The following ATP9A variants were observed in gnomAD, a reference collection of about 807,000 sequenced individuals.
ATP9A encodes ATPase phospholipid transporting 9A.
Under a neutral mutation model 144.1 loss-of-function variants are expected in ATP9A, and 52 were observed. The ratio of observed to expected loss-of-function variants is 0.36; its 90% CI spans 0.29 to 0.45. ATP9A has a LOEUF of 0.45. Among genes scored for constraint, ATP9A ranks in the 20% least tolerant of loss-of-function variants. The probability of loss-of-function intolerance (pLI) is 1.00; values close to 1 mark genes in which losing one functional copy is unlikely to be tolerated. For missense variants in ATP9A, 947 were observed against 1,392.7 expected (o/e 0.68, Z 5.09); for synonymous variants, 582 against 557.4 (o/e 1.04, Z -0.62).
chr20:51,737,567 A>G (rs1381797061), intron 1 of ATP9A, among the ~76,000 whole-genome samples: 24 of 152,222 alleles, frequency 1.6e-4, no homozygotes, highest in Admixed American at 1.6e-3. Flanking sequence ...TCACAGAAAA[A>G]GAATACAAAA....
At position 51,639,361 on chromosome 20, in the gene ATP9A, A is replaced by G; in HGVS notation, c.1650T>C (p.Arg550=). ...QIFPFTYESK[R]MGIIVRDEST... Reference sequence around the variant, plus strand: ...GACTCACCCGCACGATGATGCCCATACGTTTGCTTTCATAGGTGAAAGGGA... The same window carrying G: ...GACTCACCCGCACGATGATGCCCATGCGTTTGCTTTCATAGGTGAAAGGGA... Residue 550 remains arginine (R), a synonymous_variant, in exon 15 of 28, where the codon CGT becomes CGC. Coordinates refer to ENST00000338821, the MANE Select transcript of ATP9A (RefSeq NM_006045.3). 1 of 1,613,666 alleles carries G rather than the reference A, an allele frequency of 6.2e-7. No homozygotes were observed. The highest frequency in any genetic ancestry group is 8.5e-7 in the Non-Finnish European group (1 of 1,179,824).
At chr20:51,624,039 G>C (rs1204522263) in intron 18 of ATP9A, among the ~76,000 whole-genome samples, 1 of 152,198 alleles carries the variant, frequency 6.6e-6, no homozygotes, top group East Asian at 1.9e-4. Context: ...GGAAACTCCA[G>C]AAGTCTTAGG....
intron 26 of ATP9A, among the ~76,000 whole-genome samples, chr20:51,606,114 C>T (rs894776884): frequency 3.3e-5 from 5 of 151,596 alleles, no homozygotes; most frequent in African/African-American, 9.7e-5. Flanking sequence ...ACTAAAAATA[C>T]TAAAATTAGG....
At chr20:51,720,648 C>T (rs561221963) in intron 3 of ATP9A, among the ~76,000 whole-genome samples, 7 of 152,050 alleles carry the variant, frequency 4.6e-5, no homozygotes, top group African/African-American at 1.7e-4. Context: ...AGCGTGGCCA[C>T]CATGGTGAAA....
intron 13 of ATP9A, among the ~76,000 whole-genome samples, chr20:51,665,234 G>C (rs1168081512): frequency 6.7e-6 from 1 of 148,786 alleles, no homozygotes; most frequent in Admixed American, 6.7e-5. Flanking sequence ...ACTGACAGCT[G>C]GGGGGATAGA....
At chr20:51,731,320 T>A (rs915929378) in intron 1 of ATP9A, among the ~76,000 whole-genome samples, 17 of 151,852 alleles carry the variant, frequency 1.1e-4, no homozygotes, top group African/African-American at 4.1e-4. Flanking sequence ...TAAATAAAAA[T>A]AATAATAATT....
chr20:51,634,962 G>T (rs1182905128), intron 15 of ATP9A, among the ~76,000 whole-genome samples: 1 of 151,758 alleles, frequency 6.6e-6, no homozygotes, highest in Non-Finnish European at 1.5e-5. Flanking sequence ...CTCCTCCTGG[G>T]CAGGAAGTCT....
intron 9 of ATP9A, among the ~76,000 whole-genome samples, chr20:51,680,326 A>AG (rs1015646697): frequency 3.3e-5 from 5 of 151,900 alleles, no homozygotes; most frequent in African/African-American, 9.7e-5. Flanking sequence ...TCTACACATT[A>AG]GGGGAAAACC....
chr20:51,747,362 G>C (rs537529841), intron 1 of ATP9A, among the ~76,000 whole-genome samples: 10 of 152,198 alleles, frequency 6.6e-5, no homozygotes, highest in East Asian at 5.8e-4. Flanking sequence ...TCCTATGGGA[G>C]ATGCACGAGG....
intron 9 of ATP9A, among the ~76,000 whole-genome samples, chr20:51,688,546 T>G (rs2077533524): frequency 6.6e-6 from 1 of 151,752 alleles, no homozygotes; most frequent in African/African-American, 2.4e-5. Flanking sequence ...GAGCCAAGAT[T>G]GTGCCACTGT....
chr20:51,671,152 C>T lies in ATP9A; in HGVS notation c.1143G>A (p.Gln381=), dbSNP rs2077453913. The T allele has an allele frequency of 1.9e-6, 3 of 1,614,124 alleles. No homozygotes were observed. The highest frequency in any genetic ancestry group is 2.5e-6 in the Non-Finnish European group (3 of 1,180,000). ...TGAGTAAGTACGAAATCCTGCCCAG[C>T]TGCTCAGGAATCGTGCTGGAGCGAA... is the stretch of plus-strand genomic sequence containing the variant. The part of the protein sequence containing the change: ...TVVRSSTIPE[Q]LGRISYLLTD... Residue 381 remains glutamine (Q), a synonymous_variant, in exon 12 of 28, where the codon CAG becomes CAA. Coordinates refer to ENST00000338821, the MANE Select transcript of ATP9A (RefSeq NM_006045.3).
At chr20:51,621,280 C>T (rs2077226012) in intron 19 of ATP9A, among the ~76,000 whole-genome samples, 1 of 151,988 alleles carries the variant, frequency 6.6e-6, no homozygotes, top group Admixed American at 6.6e-5. Context: ...ATGATGAGAA[C>T]TGACTGTACC....
At chr20:51,745,601 C>G (rs943336302) in intron 1 of ATP9A, among the ~76,000 whole-genome samples, 3 of 152,082 alleles carry the variant, frequency 2.0e-5, no homozygotes, top group Non-Finnish European at 4.4e-5. Context: ...TGGGTAGAAG[C>G]CAGGGATACT....
At position 51,597,084 on chromosome 20, in the gene ATP9A, TG is replaced by T. The variant is rs1260868436; in HGVS notation, c.*4126del. The T allele has an allele frequency of 6.6e-6, 1 of 152,170 alleles. No individual in the cohort carries two copies. Among genetic ancestry groups the T allele is most frequent in the East Asian group, 1.9e-4 (1 of 5,174 alleles). 9.4% of individuals were successfully genotyped at this position (152,170 alleles called of 1,614,324 possible). ...ACAAAATAATAAATTAGCCATAATT[TG>T]TTTTTTTTGCAAATACCATGCCCCC... On this transcript the variant is annotated 3_prime_UTR_variant, in exon 28 of 28. Coordinates refer to ENST00000338821, the MANE Select transcript of ATP9A (RefSeq NM_006045.3).
chr20:51,609,359 A>C (rs1386935620), intron 24 of ATP9A, among the ~76,000 whole-genome samples: 1 of 152,154 alleles, frequency 6.6e-6, no homozygotes, highest in Non-Finnish European at 1.5e-5. Flanking sequence ...CCAACACAGT[A>C]GGATGGAAAG....
intron 1 of ATP9A, among the ~76,000 whole-genome samples, chr20:51,765,654 A>AAAAAAAAAC (rs1188144322): frequency 1.3e-5 from 2 of 149,212 alleles, no homozygotes; most frequent in African/African-American, 2.5e-5. Context: ...AAAAAAAAAA[A>AAAAAAAAAC]CAGAATTAGA....
Position 51,639,384 on chromosome 20 carries a change from GGAA to G in ATP9A, c.1624_1626del (p.Phe542del). ...ATACGTTTGCTTTCATAGGTGAAAGGGAAGATCTGTAGGATGGTGAAGTTCAGG... is the reference window on the plus strand; with the variant it reads ...ATACGTTTGCTTTCATAGGTGAAAGGGATCTGTAGGATGGTGAAGTTCAGG... On this transcript the variant is annotated inframe_deletion, in exon 15 of 28. Coordinates refer to ENST00000338821, the MANE Select transcript of ATP9A (RefSeq NM_006045.3). The G allele has an allele frequency of 6.2e-7, 1 of 1,613,980 alleles. No individual in the cohort carries two copies. The highest frequency in any genetic ancestry group is 8.5e-7 in the Non-Finnish European group (1 of 1,179,938).
At position 51,639,437 on chromosome 20, in the gene ATP9A, T is replaced by C. The variant is rs745777759; in HGVS notation, c.1574A>G (p.Gln525Arg). ...TLVGRDQSSM[Q>R]LRTPGDQILN... The stretch of plus-strand genomic sequence containing the variant: ...GATCTGGTCGCCAGGGGTCCTCAGC[T>C]GCATGGAAGACTGGTCTCGGCCCAC... The change falls in exon 15 of 28, where the codon CAG becomes CGG. Residue 525 changes from glutamine to arginine, a missense_variant. Physicochemically the swap from Gln to Arg is conservative, Grantham distance 43. Around this residue, in one of 2 missense-constraint regions of ATP9A, gnomAD observed 770 missense variants for 1,047.9 expected, o/e 0.73. Coordinates refer to ENST00000338821, the MANE Select transcript of ATP9A (RefSeq NM_006045.3). The C allele has an allele frequency of 6.2e-7, 1 of 1,614,062 alleles. No individual in the cohort carries two copies. Among genetic ancestry groups the C allele is most frequent in the South Asian group, 1.1e-5 (1 of 91,078 alleles).
chr20:51,682,223 A>AT (rs1205581973), intron 9 of ATP9A, among the ~76,000 whole-genome samples: 1 of 152,190 alleles, frequency 6.6e-6, no homozygotes, highest in Non-Finnish European at 1.5e-5. Context: ...AAATCTGCAC[A>AT]TGTACCCCCA....
Sources: gnomAD v4.1 joint callset for allele counts (sites outside exome capture counted in the v4.1 genomes callset) on GRCh38, gnomAD v4.1.1 for gene constraint, gnomAD v4.1.1 regional missense constraint, MANE v1.5 for transcripts, NCBI Gene and HGNC (gene_info 2026-07-23, HGNC 2026-07-21) for gene names.